SEMA5A: variants seen among roughly 807,000 people sequenced by gnomAD.
SEMA5A encodes semaphorin 5A.
In SEMA5A, 55 loss-of-function variants were observed where a neutral mutation model predicts 135.5. The ratio of observed to expected loss-of-function variants is 0.41; its 90% CI spans 0.33 to 0.51. The LOEUF (loss-of-function observed/expected upper bound fraction) is 0.51, where lower values mean the gene tolerates loss of function less well. SEMA5A is among the 20% of genes least tolerant of loss of function. The pLI is 0.37. For synonymous variants in SEMA5A, 580 were observed against 546.5 expected, an observed-to-expected ratio of 1.06 and a Z score of -0.85; for missense variants, 1,290 against 1,419.9, an observed-to-expected ratio of 0.91 and a Z score of 1.47.
chr5:9,474,243 G>T (rs187663757), intron 1 of SEMA5A, among the ~76,000 whole-genome samples: 1 of 152,082 alleles, frequency 6.6e-6, no homozygotes, highest in Non-Finnish European at 1.5e-5. Flanking sequence ...CCCAAAGAAG[G>T]CCACTCCCGT....
intron 2 of SEMA5A, among the ~76,000 whole-genome samples, chr5:9,388,443 G>A (rs559880689): frequency 8.1e-5 from 12 of 148,262 alleles, no homozygotes. Flanking sequence ...TTCTGTGTCA[G>A]CTAAAGCAAC....
chr5:9,510,248 T>C (rs1414247728), intron 1 of SEMA5A, among the ~76,000 whole-genome samples: 1 of 152,160 alleles, frequency 6.6e-6, no homozygotes, highest in Non-Finnish European at 1.5e-5. Flanking sequence ...CTACAAAGGG[T>C]CAGTGAGGAT....
intron 5 of SEMA5A, among the ~76,000 whole-genome samples, chr5:9,287,020 G>A (rs1283716965): frequency 2.0e-5 from 3 of 152,176 alleles, no homozygotes; most frequent in Non-Finnish European, 4.4e-5. Context: ...TGTACCCAAT[G>A]CATTGAGGGA....
At chr5:9,074,209 G>T (rs1264962944) in intron 16 of SEMA5A, among the ~76,000 whole-genome samples, 7 of 152,212 alleles carry the variant, frequency 4.6e-5, no homozygotes, top group Admixed American at 4.6e-4. Flanking sequence ...ATGGCTTATT[G>T]GTTTGTTTTG....
chr5:9,133,361 A>G (rs959374189), intron 13 of SEMA5A, among the ~76,000 whole-genome samples: 4 of 152,174 alleles, frequency 2.6e-5, no homozygotes, highest in Admixed American at 1.3e-4. Flanking sequence ...AGAAATATAT[A>G]TGGTTTCCTT....
chr5:9,519,356 A>G (rs551583029), intron 1 of SEMA5A, among the ~76,000 whole-genome samples: 1 of 152,332 alleles, frequency 6.6e-6, no homozygotes, highest in Admixed American at 6.5e-5. Context: ...CTTAAGTTTA[A>G]TACTGTTTTC....
At chr5:9,512,878 G>GCAT (rs1445085474) in intron 1 of SEMA5A, among the ~76,000 whole-genome samples, 2 of 151,936 alleles carry the variant, frequency 1.3e-5, no homozygotes, top group Non-Finnish European at 2.9e-5. Flanking sequence ...ACGCTCCCCT[G>GCAT]CATGTTCTTC....
At position 9,054,236 on chromosome 5, in the gene SEMA5A, C is replaced by A. The variant is rs750691980; in HGVS notation, c.2540G>T (p.Trp847Leu). The A allele has an allele frequency of 3.1e-6, 5 of 1,613,610 alleles. No individual in the cohort carries two copies. Among genetic ancestry groups the A allele is most frequent in the Admixed American group, 1.7e-5 (1 of 59,958 alleles). The change falls in exon 19 of 23, where the codon TGG (tryptophan) becomes TTG (leucine). Residue 847 changes from tryptophan to leucine, a missense_variant. Physicochemically the swap from Trp to Leu is moderately conservative, Grantham distance 61. Coordinates refer to ENST00000382496, the MANE Select transcript of SEMA5A (RefSeq NM_003966.3). ...TGCTGAACATTTTGTCCAGGGGGACCAGCAAGACCACACGCCATCCACTGT... is the reference window on the plus strand; with the variant it reads ...TGCTGAACATTTTGTCCAGGGGGACAAGCAAGACCACACGCCATCCACTGT... ...PCPVDGVWSC[W>L]SPWTKCSATC...
intron 1 of SEMA5A, among the ~76,000 whole-genome samples, chr5:9,478,439 A>G (rs938815186): frequency 1.3e-5 from 2 of 152,204 alleles, no homozygotes; most frequent in East Asian, 1.9e-4. Flanking sequence ...CAAGAACTCA[A>G]TGTCAGCTGG....
chr5:9,345,880 T>C (rs1753842598), intron 3 of SEMA5A, among the ~76,000 whole-genome samples: 1 of 152,198 alleles, frequency 6.6e-6, no homozygotes, highest in South Asian at 2.1e-4. Context: ...TGTATACACA[T>C]GTATTTATTT....
rs140400463 is a variant in SEMA5A at position 9,054,101 on chromosome 5, G to A, written c.2675C>T (p.Thr892Met). 408 of 1,611,152 alleles carry A rather than the reference G, an allele frequency of 2.5e-4. 3 individuals carry two copies. The highest frequency in any genetic ancestry group is 1.0e-3 in the Admixed American group (62 of 59,482). The part of the protein sequence containing the change: ...GLHTEEALCN[T>M]QPCPESWSEW... Reference sequence around the variant, plus strand: ...GTGCCGCTTACCTGGGCAGGGCTGCGTGTTGCAGAGTGCCTCTTCTGTGTG... The same window carrying A: ...GTGCCGCTTACCTGGGCAGGGCTGCATGTTGCAGAGTGCCTCTTCTGTGTG... The change falls in exon 19 of 23, where the codon ACG (threonine) becomes ATG (methionine). Residue 892 changes from threonine (T) to methionine (M), a missense_variant. Physicochemically the swap from Thr to Met is moderately conservative, Grantham distance 81. Coordinates refer to ENST00000382496, the MANE Select transcript of SEMA5A (RefSeq NM_003966.3).
rs201120126 is a variant in SEMA5A, at chr5:9,190,291, C to G, written c.1249G>C (p.Val417Leu). The stretch of plus-strand genomic sequence containing the variant: ...CCTGTGGCCAAATAGATGATGTGGA[C>G]GAGCGCTTCTCTGCCCTGCACCACG... ...VDVVQGREAL[V>L]HIIYLATDYG... The change falls in exon 11 of 23, where the codon GTC (valine) becomes CTC (leucine). Residue 417 changes from valine to leucine, a missense_variant. By Grantham distance (32) the Val-to-Leu change is conservative (BLOSUM62 1). Coordinates refer to ENST00000382496, the MANE Select transcript of SEMA5A (RefSeq NM_003966.3). The G allele has an allele frequency of 3.7e-6, 6 of 1,613,892 alleles. No homozygotes were observed. The highest frequency in any genetic ancestry group is 4.2e-6 in the Non-Finnish European group (5 of 1,180,006).
At chr5:9,537,223 AAGG>A (rs1737817624) in intron 1 of SEMA5A, among the ~76,000 whole-genome samples, 1 of 152,238 alleles carries the variant, frequency 6.6e-6, no homozygotes, top group African/African-American at 2.4e-5. Context: ...TCTATGATTA[AAGG>A]AGATTTTAAA....
At chr5:9,208,799 A>G (rs10045117) in intron 8 of SEMA5A, among the ~76,000 whole-genome samples, 13,841 of 151,754 alleles carry the variant, frequency 0.091, 895 homozygotes, top group African/African-American at 0.18. Flanking sequence ...TTAAAGAAAA[A>G]CTTATCACTC....
At chr5:9,145,366 T>C (rs1742274973) in intron 12 of SEMA5A, among the ~76,000 whole-genome samples, 1 of 152,188 alleles carries the variant, frequency 6.6e-6, no homozygotes, top group African/African-American at 2.4e-5. Flanking sequence ...AAAAGCCCCA[T>C]CCAGAACCAT....
At chr5:9,070,132 A>G (rs1029122230) in intron 16 of SEMA5A, among the ~76,000 whole-genome samples, 1 of 152,208 alleles carries the variant, frequency 6.6e-6, no homozygotes, top group African/African-American at 2.4e-5. Flanking sequence ...GCACTTTGGG[A>G]AGCCAAGGTG....
chr5:9,249,749 C>A (rs2150485181), intron 5 of SEMA5A, among the ~76,000 whole-genome samples: 1 of 152,240 alleles, frequency 6.6e-6, no homozygotes, highest in East Asian at 1.9e-4. Flanking sequence ...GATGAAGGAA[C>A]ATTTCTTAGG....
intron 2 of SEMA5A, among the ~76,000 whole-genome samples, chr5:9,419,132 G>T (rs140253450): frequency 3.5e-4 from 53 of 152,054 alleles, no homozygotes; most frequent in Middle Eastern, 3.4e-3. Context: ...GTTCACCTAG[G>T]AGTTATTCAG....
chr5:9,070,478 C>A (rs746659938), intron 16 of SEMA5A, among the ~76,000 whole-genome samples: 6 of 152,182 alleles, frequency 3.9e-5, no homozygotes, highest in Non-Finnish European at 8.8e-5. Flanking sequence ...TAGTAAAATC[C>A]TACATCTTCA....
Sources: gnomAD v4.1 joint callset for allele counts (sites outside exome capture counted in the v4.1 genomes callset) on GRCh38, gnomAD v4.1.1 for gene constraint, MANE v1.5 for transcripts, NCBI Gene and HGNC (gene_info 2026-07-23, HGNC 2026-07-21) for gene names.